Variants in NDFIP2 observed in about 807,000 individuals in gnomAD.
The protein encoded by NDFIP2 is NEDD4 family-interacting protein 2.
In NDFIP2, 19 loss-of-function variants were observed where a neutral mutation model predicts 36.0. The observed-to-expected ratio is 0.53, with a 90% CI of 0.37 to 0.77. The LOEUF (loss-of-function observed/expected upper bound fraction) is 0.77, where lower values mean the gene tolerates loss of function less well. Among genes scored for constraint, NDFIP2 ranks in the 30% least tolerant of loss-of-function variants. NDFIP2 has a pLI of 0.00. For synonymous variants in NDFIP2, 181 were observed against 167.7 expected, an observed-to-expected ratio of 1.08 and a Z score of -0.61; for missense variants, 446 against 435.8, an observed-to-expected ratio of 1.02 and a Z score of -0.21.
intron 1 of NDFIP2, among the ~76,000 whole-genome samples, chr13:79,510,410 T>A (rs745602666): frequency 6.6e-5 from 10 of 151,914 alleles, no homozygotes; most frequent in Non-Finnish European, 7.4e-5. Flanking sequence ...CTTTTTACTT[T>A]TGGCTGTGTA....
chr13:79,487,820 A>G (rs1203836774), intron 1 of NDFIP2, among the ~76,000 whole-genome samples: 2 of 152,106 alleles, frequency 1.3e-5, no homozygotes, highest in Admixed American at 6.5e-5. Context: ...CTGTACAGTG[A>G]CATATCTCTG....
At chr13:79,502,903 C>A (rs1256935165) in intron 1 of NDFIP2, among the ~76,000 whole-genome samples, 1 of 139,802 alleles carries the variant, frequency 7.2e-6, no homozygotes, top group African/African-American at 2.7e-5. Flanking sequence ...TTTTTTTTTT[C>A]TCTTTGAAGT....
intron 1 of NDFIP2, among the ~76,000 whole-genome samples, chr13:79,508,026 G>T (rs1047415789): frequency 6.6e-6 from 1 of 151,928 alleles, no homozygotes; most frequent in Admixed American, 6.6e-5. Context: ...ATTTGTTTTA[G>T]TATTCTGTTT....
chr13:79,520,757 T>G (rs1467713626), intron 1 of NDFIP2, 53 bp from the exon 2 acceptor site: 1 of 1,484,176 alleles, frequency 6.7e-7, no homozygotes, highest in Non-Finnish European at 9.1e-7. Flanking sequence ...AGCTTAAAAT[T>G]TAAAAAATAA....
chr13:79,496,643 C>T (rs925623131), intron 1 of NDFIP2, among the ~76,000 whole-genome samples: 1 of 150,680 alleles, frequency 6.6e-6, no homozygotes, highest in Non-Finnish European at 1.5e-5. Flanking sequence ...CCTAATCTCT[C>T]TCATGTCCTT....
At chr13:79,548,894 G>A (rs113451228) in intron 6 of NDFIP2, among the ~76,000 whole-genome samples, 3,056 of 152,052 alleles carry the variant, frequency 0.02, 84 homozygotes, top group African/African-American at 0.068. Flanking sequence ...CCTATAAGAC[G>A]TGTCTTTTTA....
chr13:79,506,037 C>G (rs1873854098), intron 1 of NDFIP2, among the ~76,000 whole-genome samples: 1 of 152,146 alleles, frequency 6.6e-6, no homozygotes, highest in Admixed American at 6.5e-5. Flanking sequence ...ATGGAGAAAT[C>G]TAACAAATAT....
At chr13:79,525,613 A>C (rs1290138099) in intron 2 of NDFIP2, among the ~76,000 whole-genome samples, 2 of 152,220 alleles carry the variant, frequency 1.3e-5, no homozygotes, top group Admixed American at 1.3e-4. Flanking sequence ...TAGAGTTGCT[A>C]AATGACTGAC....
chr13:79,493,650 A>G (rs1437624385), intron 1 of NDFIP2, among the ~76,000 whole-genome samples: 1 of 152,166 alleles, frequency 6.6e-6, no homozygotes, highest in African/African-American at 2.4e-5. Context: ...AGATTTTATT[A>G]CCGTAAACGT....
At chr13:79,510,007 G>A (rs1027406992) in intron 1 of NDFIP2, among the ~76,000 whole-genome samples, 2 of 152,114 alleles carry the variant, frequency 1.3e-5, no homozygotes, top group Non-Finnish European at 2.9e-5. Flanking sequence ...ATCTCCTTTG[G>A]CAACACCGTC....
At chr13:79,487,812 G>T (rs1183345221) in intron 1 of NDFIP2, among the ~76,000 whole-genome samples, 1 of 152,002 alleles carries the variant, frequency 6.6e-6, no homozygotes, top group Non-Finnish European at 1.5e-5. Context: ...CTCCCTACCT[G>T]TACAGTGACA....
chr13:79,509,366 A>G (rs73551575), intron 1 of NDFIP2, among the ~76,000 whole-genome samples: 4,732 of 152,212 alleles, frequency 0.031, 256 homozygotes, highest in African/African-American at 0.11. Context: ...TTATTATCTA[A>G]AGACTTGGAA....
intron 3 of NDFIP2, among the ~76,000 whole-genome samples, chr13:79,536,747 A>T (rs554564307): frequency 1.6e-4 from 25 of 152,162 alleles, no homozygotes; most frequent in Admixed American, 2.6e-4. Flanking sequence ...CTTTGGGCAT[A>T]TTGCAGTGAC....
At chr13:79,501,428 CTG>C (rs960083561) in intron 1 of NDFIP2, among the ~76,000 whole-genome samples, 1 of 151,968 alleles carries the variant, frequency 6.6e-6, no homozygotes, top group African/African-American at 2.4e-5. Flanking sequence ...TGGGAAAGCT[CTG>C]TACCTTATGC....
chr13:79,543,031 C>G (rs937644817), intron 4 of NDFIP2, among the ~76,000 whole-genome samples: 9 of 152,090 alleles, frequency 5.9e-5, no homozygotes, highest in Non-Finnish European at 1.2e-4. Flanking sequence ...TGCCCACCAC[C>G]ACACCCGGCT....
intron 2 of NDFIP2, among the ~76,000 whole-genome samples, chr13:79,528,780 A>G (rs1000614428): frequency 1.3e-5 from 2 of 152,220 alleles, no homozygotes; most frequent in African/African-American, 4.8e-5. Context: ...AATAGGCTAT[A>G]TACCATATAG....
At chr13:79,485,966 C>A (rs1872967064) in intron 1 of NDFIP2, among the ~76,000 whole-genome samples, 1 of 152,100 alleles carries the variant, frequency 6.6e-6, no homozygotes, top group African/African-American at 2.4e-5. Flanking sequence ...GTTGAGTATT[C>A]CTAATCCAAA....
At chr13:79,538,123 T>G (rs1003176070) in intron 3 of NDFIP2, among the ~76,000 whole-genome samples, 2 of 152,114 alleles carry the variant, frequency 1.3e-5, no homozygotes, top group Non-Finnish European at 2.9e-5. Context: ...CTCACTCTCA[T>G]GAGAACAGCG....
intron 2 of NDFIP2, among the ~76,000 whole-genome samples, chr13:79,531,050 T>A (rs73553416): frequency 0.045 from 6,799 of 152,260 alleles, 530 homozygotes; most frequent in African/African-American, 0.16. Flanking sequence ...ATCATAAGAC[T>A]TGAAAGTCAG....
Sources: allele counts gnomAD v4.1 joint callset (sites outside exome capture counted in the v4.1 genomes callset), GRCh38; gene constraint gnomAD v4.1.1; transcripts MANE v1.5; gene names NCBI Gene and HGNC (gene_info 2026-07-23, HGNC 2026-07-21).